Variants in TPR observed in about 807,000 individuals in gnomAD.
TPR encodes nucleoprotein TPR.
In TPR, 51 loss-of-function variants were observed where a neutral mutation model predicts 316.1. The observed-to-expected ratio is 0.16, with a 90% confidence interval of 0.13 to 0.20. TPR has a LOEUF of 0.20. Ranked by LOEUF, TPR falls within the 10% of genes least tolerant of loss-of-function variation. The pLI is 1.00. For synonymous variants in TPR, 981 were observed against 914.7 expected (o/e 1.07, Z -1.31); for missense variants, 2,272 against 2,754.8 (o/e 0.82, Z 3.92).
At position 186,313,202 on chromosome 1, in the gene TPR, C is replaced by G. The variant is rs1248165468; in HGVS notation, c.*769G>C. The G allele has an allele frequency of 2.3e-6, 1 of 427,356 alleles. No homozygotes were observed. Among genetic ancestry groups the G allele is most frequent in the Non-Finnish European group, 4.3e-6 (1 of 229,958 alleles). The allele number at this position is 427,356 out of a possible 1,614,324, so 26.5% of individuals were successfully genotyped here. A position where few individuals can be genotyped will look rare whatever the true frequency, so the allele number is the denominator to read the frequency against. On this transcript the variant is annotated 3_prime_UTR_variant, in exon 51 of 51. Coordinates refer to ENST00000367478, the MANE Select transcript of TPR (RefSeq NM_003292.3). The stretch of plus-strand genomic sequence containing the variant: ...CATTTAACAGATACCTTGTTTGGCA[C>G]AAGGTTATAATGATTTGCATCACTG...
rs1169093645 is a variant in TPR at position 186,332,302 on chromosome 1, C to T, written c.5497G>A (p.Glu1833Lys). The T allele has an allele frequency of 6.2e-7, 1 of 1,612,708 alleles. No homozygotes were observed. Among genetic ancestry groups the T allele is most frequent in the Admixed American group, 1.7e-5 (1 of 59,852 alleles). ...PSSSLPKRTR[E>K]EEEDSTIEAS... ...TCTATGGTGCTATCCTCTTCCTCTT[C>T]ACGTGTACGCTTTGGCAAAGAAGAA... is the stretch of plus-strand genomic sequence containing the variant. The change falls in exon 38 of 51, where the codon GAA becomes AAA. Residue 1833 changes from glutamate (E) to lysine (K), a missense_variant. Glu to Lys is a moderately conservative substitution (Grantham distance 56). Transcript: ENST00000367478.
rs1299609913 is a variant in TPR, at chr1:186,357,584, T to A, written c.1537A>T (p.Asn513Tyr). 1 of 1,614,058 alleles carries A rather than the reference T, an allele frequency of 6.2e-7. No individual in the cohort carries two copies. Residue 513 changes from asparagine (N) to tyrosine (Y), a missense_variant, in exon 14 of 51, where the codon AAC becomes TAC. Asn to Tyr is a moderately radical substitution (Grantham distance 143, BLOSUM62 -2). This residue lies in a region of TPR where 549 missense variants were observed against 598.6 expected (regional missense o/e 0.92). Coordinates refer to ENST00000367478, the MANE Select transcript of TPR (RefSeq NM_003292.3). ...LLMELEEARG[N>Y]HVIRDEEVSS... ...ACTTCCTCATCACGAATTACGTGGT[T>A]ACCCCTTGCTTCTTCAAGTTCCATC...
At position 186,317,889 on chromosome 1, in the gene TPR, A is replaced by G. The variant is rs1040488938; in HGVS notation, c.6822-289T>C. Among the ~76,000 whole-genome samples the G allele has an allele frequency of 5.9e-5, 9 of 152,182 alleles. 1 individual carries two copies. Among genetic ancestry groups the G allele is most frequent in the East Asian group, 1.9e-4 (1 of 5,206 alleles). On this transcript the variant is annotated intron_variant, in intron 48 of 50. Coordinates refer to ENST00000367478, the MANE Select transcript of TPR (RefSeq NM_003292.3). The stretch of plus-strand genomic sequence containing the variant: ...AAGGATGTTCACATTCTTGACACTC[A>G]TAAGAAATATATGGTCCAGATTTTG...
chr1:186,331,142 G>A (rs1028796973), intron 39 of TPR, among the ~76,000 whole-genome samples: 3 of 151,948 alleles, frequency 2.0e-5, no homozygotes, highest in Non-Finnish European at 4.4e-5. Flanking sequence ...AATAATACAG[G>A]GGAGTAAGAG....
At position 186,343,395 on chromosome 1, in the gene TPR, C is replaced by A. The variant is rs774256854; in HGVS notation, c.3681G>T (p.Arg1227Ser). The change falls in exon 27 of 51, where the codon AGG becomes AGT. Residue 1227 changes from arginine (R) to serine (S), a missense_variant. Around this residue, in one of 10 missense-constraint regions of TPR, gnomAD observed 757 missense variants for 859.8 expected, o/e 0.88. Transcript: ENST00000367478. ...AQVESLRYRQ[R>S]VELLERELQE... ...GCAGCTCTCTTTCTAAAAGTTCAACCCTTTGTCGATAACGCAGACTCTCAA... is the reference window on the plus strand; with the variant it reads ...GCAGCTCTCTTTCTAAAAGTTCAACACTTTGTCGATAACGCAGACTCTCAA... 3 of 1,613,960 alleles carry A rather than the reference C, an allele frequency of 1.9e-6. No individual in the cohort carries two copies. The South Asian group carries it at 3.3e-5, about 18-fold the overall frequency.
chr1:186,359,841 T>C lies in TPR; in HGVS notation c.1347A>G (p.Lys449=). ...GCTTAACAGATAAACTTGCTACAGC[T>C]TTCTGTGCACGTTCATATTCCTCAC... ...RQREEYERAQ[K]AVASLSVKLE... is the part of the protein sequence containing the mutation. Residue 449 remains lysine (K), a synonymous_variant, in exon 12 of 51, where the codon AAA becomes AAG. Coordinates refer to ENST00000367478, the MANE Select transcript of TPR (RefSeq NM_003292.3). 6.3e-7 allele frequency: 1 copy of C among 1,591,084 alleles called. No homozygotes were observed. Among genetic ancestry groups the C allele is most frequent in the Non-Finnish European group, 8.5e-7 (1 of 1,174,236 alleles).
intron 30 of TPR, 152 bp from the exon 31 acceptor site, chr1:186,338,395 G>A (rs1315666048): frequency 3.8e-5 from 23 of 611,466 alleles, no homozygotes; most frequent in African/African-American, 5.7e-5. Context: ...AAGACCTTAC[G>A]AATTTACAGC....
At position 186,345,661 on chromosome 1, in the gene TPR, C is replaced by T. The variant is rs1658654189; in HGVS notation, c.3132G>A (p.Gln1044=). The change falls in exon 24 of 51, where the codon CAG becomes CAA. Residue 1044 remains glutamine (Q), a synonymous_variant. Transcript: ENST00000367478. ...SELKKTLSSV[Q]NEVQEALQRA... is the part of the protein sequence containing the mutation. ...TCTGAAGAGCTTCTTGTACTTCATTCTGAACACTAGAAAGTGTTTTCTTCA... is the reference window on the plus strand; with the variant it reads ...TCTGAAGAGCTTCTTGTACTTCATTTTGAACACTAGAAAGTGTTTTCTTCA... The T allele has an allele frequency of 6.2e-7, 1 of 1,613,004 alleles. No individual in the cohort carries two copies. Among genetic ancestry groups the T allele is most frequent in the African/African-American group, 1.3e-5 (1 of 74,900 alleles).
intron 39 of TPR, 79 bp downstream of exon 39, chr1:186,331,419 A>T (rs1238571730): frequency 1.0e-5 from 10 of 987,216 alleles, no homozygotes; most frequent in Non-Finnish European, 1.5e-5. Context: ...AAAAAAGACC[A>T]AATAATGTTT....
At chr1:186,372,985 C>T (rs1659579428) in intron 2 of TPR, among the ~76,000 whole-genome samples, 1 of 152,176 alleles carries the variant, frequency 6.6e-6, no homozygotes, top group Non-Finnish European at 1.5e-5. Flanking sequence ...TCTTTAGTTG[C>T]ATAATGCTTT....
chr1:186,351,453 A>T lies in TPR; in HGVS notation c.2487T>A (p.Ser829=), dbSNP rs1490952228. The change falls in exon 20 of 51, where the codon TCT becomes TCA. Residue 829 remains serine (S), a synonymous_variant. Transcript: ENST00000367478. ...LQTIQGILER[S]ETETKQRLSS... is the part of the protein sequence containing the mutation. Reference sequence around the variant, plus strand: ...TAAGCCTTTGTTTGGTTTCTGTTTCAGATCGCTCCAGTATTCCCTAAAGCA... The same window carrying T: ...TAAGCCTTTGTTTGGTTTCTGTTTCTGATCGCTCCAGTATTCCCTAAAGCA... The T allele has an allele frequency of 1.2e-6, 2 of 1,609,050 alleles. No homozygotes were observed. The highest frequency in any genetic ancestry group is 1.7e-5 in the Admixed American group (1 of 59,238).
chr1:186,344,254 T>C, intron 25 of TPR, 121 bp downstream of exon 25: 1 of 1,368,832 alleles, frequency 7.3e-7, no homozygotes, highest in Non-Finnish European at 9.9e-7. Flanking sequence ...GACCCCAATA[T>C]CACGCCATTG....
intron 39 of TPR, 40 bp from the exon 40 acceptor site, chr1:186,327,700 A>G: frequency 1.9e-6 from 3 of 1,557,542 alleles, no homozygotes; most frequent in Non-Finnish European, 2.6e-6. Flanking sequence ...TAAGAGCCCT[A>G]TAAACATACC....
chr1:186,361,759 A>G lies in TPR; in HGVS notation c.870+30T>C, dbSNP rs751498084. Reference sequence around the variant, plus strand: ...CCTAACAGTCAACAATGCAACATTTAGATACTAACATGTGTGGTGGGATAT... The same window carrying G: ...CCTAACAGTCAACAATGCAACATTTGGATACTAACATGTGTGGTGGGATAT... On this transcript the variant is annotated intron_variant, in intron 8 of 50. Coordinates refer to ENST00000367478, the MANE Select transcript of TPR (RefSeq NM_003292.3). The G allele has an allele frequency of 1.9e-5, 30 of 1,613,076 alleles. No homozygotes were observed. In the East Asian group the frequency reaches 6.7e-4, roughly 36 times the overall value.
chr1:186,356,753 T>C (rs1408844478), intron 14 of TPR, among the ~76,000 whole-genome samples: 1 of 152,188 alleles, frequency 6.6e-6, no homozygotes, highest in Non-Finnish European at 1.5e-5. Flanking sequence ...GAAGACATTA[T>C]ACATGTATTT....
chr1:186,353,036 A>C (rs140017958), intron 18 of TPR, among the ~76,000 whole-genome samples: 1 of 152,326 alleles, frequency 6.6e-6, no homozygotes, highest in East Asian at 1.9e-4. Context: ...AATGCAATGT[A>C]ATTTTTATAT....
chr1:186,333,537 T>C (rs1558001085), intron 36 of TPR, 143 bp from the exon 37 acceptor site: 2 of 935,878 alleles, frequency 2.1e-6, no homozygotes, highest in Non-Finnish European at 3.1e-6. Flanking sequence ...GGTAATGTAT[T>C]ATGCATTTTT....
At position 186,341,406 on chromosome 1, in the gene TPR, A is replaced by C. The variant is rs778864983; in HGVS notation, c.3751-17T>G. 3 of 1,608,322 alleles carry C rather than the reference A, an allele frequency of 1.9e-6. No homozygotes were observed. Among genetic ancestry groups the C allele is most frequent in the African/African-American group, 2.7e-5 (2 of 74,710 alleles). On this transcript the variant is annotated splice_polypyrimidine_tract_variant and intron_variant, in intron 27 of 50. Coordinates refer to ENST00000367478, the MANE Select transcript of TPR (RefSeq NM_003292.3). ...TGCAGTTACCTAAACATTTCAAATA[A>C]ATATACATACCAACATCTAACAATA...
At chr1:186,331,369 T>C (rs1658161159) in intron 39 of TPR, 129 bp downstream of exon 39, 1 of 596,812 alleles carries the variant, frequency 1.7e-6, no homozygotes, top group African/African-American at 1.9e-5. Flanking sequence ...TGATTAATTC[T>C]AGTAGTATTT....
Sources: allele counts gnomAD v4.1 joint callset (sites outside exome capture counted in the v4.1 genomes callset), GRCh38; gene constraint gnomAD v4.1.1; regional missense constraint gnomAD v4.1.1; transcripts MANE v1.5; gene names NCBI Gene and HGNC (gene_info 2026-07-23, HGNC 2026-07-21).